Variants in ARSL observed in about 807,000 individuals in gnomAD.
ARSL encodes arylsulfatase L.
Under a neutral mutation model 31.1 loss-of-function variants are expected in ARSL, and 4 were observed. The ratio of observed to expected loss-of-function variants is 0.13; its 90% CI spans 0.06 to 0.29. The LOEUF is 0.29. Among genes scored for constraint, ARSL ranks in the 10% least tolerant of loss-of-function variants. The pLI, the probability that ARSL is intolerant of heterozygous loss-of-function variation, is 1.00. For synonymous variants in ARSL, 198 were observed against 209.9 expected, an observed-to-expected ratio of 0.94 and a Z score of 0.49; for missense variants, 312 against 497.8, an observed-to-expected ratio of 0.63 and a Z score of 3.55.
At chrX:2,963,363 G>C (rs1195935371) in intron 1 of ARSL, among the ~76,000 whole-genome samples, 1 of 110,275 alleles carries the variant, frequency 9.1e-6, no homozygotes, top group African/African-American at 3.3e-5. Flanking sequence ...TGCTGCCAAT[G>C]GTCAGAAAAC....
intron 7 of ARSL, among the ~76,000 whole-genome samples, chrX:2,944,482 A>C (rs1972528): frequency 0.12 from 13,362 of 108,398 alleles, 1,970 homozygotes; most frequent in African/African-American, 0.42. Context: ...ACAAAAAAAA[A>C]AAAACAAAAC....
At chrX:2,960,565 C>G in intron 1 of ARSL, 145 bp from the exon 2 acceptor site, 1 of 548,303 alleles carries the variant, frequency 1.8e-6, no homozygotes, top group Non-Finnish European at 2.9e-6. Flanking sequence ...TGATCAAAAT[C>G]TATAAAGGAA....
rs377070602 is a variant in ARSL, at chrX:2,938,112, G to A, written c.1272C>T (p.Gly424=). Residue 424 remains glycine (G), a synonymous_variant, in exon 9 of 11, where the codon GGC becomes GGT. Coordinates refer to ENST00000381134, the MANE Select transcript of ARSL (RefSeq NM_000047.3). ...VFPTVVRLAG[G]EVPQDRVIDG... is the part of the protein sequence containing the mutation. ...TTCTGTACCTGTCCTGGGGCACCTC[G>A]CCGCCCGCCAGCCGGACCACGGTGG... is the stretch of plus-strand genomic sequence containing the variant. The A allele has an allele frequency of 2.0e-5, 24 of 1,209,702 alleles. No individual in the cohort carries two copies. The South Asian group carries it at 3.0e-4, about 15-fold the overall frequency.
chrX:2,968,043 G>A, upstream of ARSL: 1 of 924,050 alleles, frequency 1.1e-6, no homozygotes, highest in South Asian at 2.3e-5. Context: ...ACATTGACAG[G>A]GACTTGTTTG....
intron 9 of ARSL, among the ~76,000 whole-genome samples, chrX:2,937,807 C>T (rs2089224066): frequency 8.9e-6 from 1 of 111,860 alleles, no homozygotes; most frequent in African/African-American, 3.2e-5. Context: ...TACATGTGGA[C>T]ATACAGCTTA....
chrX:2,936,694 A>G, intron 10 of ARSL, 48 bp downstream of exon 10: 1 of 1,205,362 alleles, frequency 8.3e-7, no homozygotes, highest in Non-Finnish European at 1.1e-6. Context: ...TTTCCTGCAC[A>G]GAGGGACTCT....
At chrX:2,944,144 C>T (rs888364190) in intron 7 of ARSL, among the ~76,000 whole-genome samples, 1 of 110,831 alleles carries the variant, frequency 9.0e-6, no homozygotes, top group Admixed American at 9.7e-5. Context: ...CACCACTGCA[C>T]TCCAGCCTGG....
At chrX:2,942,981 C>A (rs1192381165) in intron 8 of ARSL, 84 bp downstream of exon 8, 8 of 1,145,133 alleles carry the variant, frequency 7.0e-6, no homozygotes, top group African/African-American at 1.8e-5. Flanking sequence ...TAATATTGAC[C>A]CTCCTGGAAT....
chrX:2,941,293 C>T (rs1365476642), intron 8 of ARSL, among the ~76,000 whole-genome samples: 6 of 91,319 alleles, frequency 6.6e-5, no homozygotes, highest in Admixed American at 1.4e-4. Context: ...TTCGCTTTGT[C>T]GCCCAGGCTG....
chrX:2,949,807 C>A (rs959190827), intron 5 of ARSL, 80 bp from the exon 6 acceptor site: 12 of 1,058,322 alleles, frequency 1.1e-5, no homozygotes, highest in Middle Eastern at 2.8e-4. Context: ...TGTCACATTC[C>A]TGATACTCTG....
At chrX:2,951,881 T>G (rs1334467491) in intron 5 of ARSL, among the ~76,000 whole-genome samples, 2 of 53,081 alleles carry the variant, frequency 3.8e-5, no homozygotes, top group Non-Finnish European at 1.1e-4. Flanking sequence ...TTTGTTTTTT[T>G]TTTTTTTTTG....
intron 8 of ARSL, among the ~76,000 whole-genome samples, chrX:2,941,847 T>G (rs1453718523): frequency 8.9e-6 from 1 of 112,478 alleles, no homozygotes; most frequent in Non-Finnish European, 1.9e-5. Context: ...CCTATTTGGC[T>G]CAGAATAAAC....
chrX:2,949,798 G>A (rs2089438407), intron 5 of ARSL, 71 bp from the exon 6 acceptor site: 1 of 1,088,662 alleles, frequency 9.2e-7, no homozygotes, highest in Non-Finnish European at 1.3e-6. Flanking sequence ...TTGACTGTTT[G>A]TCACATTCCT....
chrX:2,942,916 G>T, intron 8 of ARSL, 149 bp downstream of exon 8: 1 of 788,009 alleles, frequency 1.3e-6, no homozygotes, highest in East Asian at 3.3e-5. Context: ...TCAAACTGGA[G>T]TATGTCAAAT....
At chrX:2,960,330 G>T in intron 2 of ARSL, 48 bp downstream of exon 2, 30 of 451,646 alleles carry the variant, frequency 6.6e-5, no homozygotes, top group Non-Finnish European at 1.0e-4. Flanking sequence ...GAGAAAGAAA[G>T]AAAGAAAGAA....
chrX:2,953,304 A>AT (rs759548570), intron 4 of ARSL, 39 bp from the exon 5 acceptor site: 44 of 1,181,944 alleles, frequency 3.7e-5, no homozygotes, highest in Middle Eastern at 2.4e-4. Context: ...ACTGTTCCAC[A>AT]TTTTTTTTCC....
chrX:2,945,063 A>G (rs1569103361), intron 7 of ARSL, among the ~76,000 whole-genome samples: 1 of 110,704 alleles, frequency 9.0e-6, no homozygotes, highest in East Asian at 2.8e-4. Flanking sequence ...GGAGGAGGAA[A>G]ACAAAGGCAA....
At chrX:2,960,575 A>ATGCTC in intron 1 of ARSL, 155 bp from the exon 2 acceptor site, 1 of 515,125 alleles carries the variant, frequency 1.9e-6, no homozygotes, top group Non-Finnish European at 3.2e-6. Context: ...CTATAAAGGA[A>ATGCTC]TGCTCTTCCC....
rs1475948785 is a variant in ARSL at position 2,964,311 on chromosome X, T to G, written c.-108A>C. 1 of 752,020 alleles carries G rather than the reference T, an allele frequency of 1.3e-6. No homozygotes were observed. The highest frequency in any genetic ancestry group is 2.3e-5 in the African/African-American group (1 of 42,982). The allele number at this position is 752,020 out of a possible 1,213,427, so 62.0% of individuals were successfully genotyped here. On this transcript the variant is annotated 5_prime_UTR_variant, in exon 1 of 11. Coordinates refer to ENST00000381134, the MANE Select transcript of ARSL (RefSeq NM_000047.3). ...AGCAAGCGTGAAGGCAGAGAGCACT[T>G]GCACAAGGCTTTGAGCTGGGAATGA...
Sources: allele counts gnomAD v4.1 joint callset (sites outside exome capture counted in the v4.1 genomes callset), GRCh38; gene constraint gnomAD v4.1.1; transcripts MANE v1.5; gene names NCBI Gene and HGNC (gene_info 2026-07-23, HGNC 2026-07-21).